Variants in OR7E24 observed in about 807,000 individuals in gnomAD.
OR7E24 encodes olfactory receptor family 7 subfamily E member 24.
For synonymous variants in OR7E24, 130 were observed against 157.5 expected, an observed-to-expected ratio of 0.83 and a Z score of 1.31; for missense variants, 385 against 410.3, an observed-to-expected ratio of 0.94 and a Z score of 0.53.
At chr19:9,224,347 C>A in the OR7E24 span, among the ~76,000 whole-genome samples, 1 of 152,180 alleles carries the variant, frequency 6.6e-6, no homozygotes, top group African/African-American at 2.4e-5. Context: ...CATCCCATAT[C>A]TACAGGACTT....
At chr19:9,239,258 C>G in the OR7E24 span, among the ~76,000 whole-genome samples, 1 of 152,096 alleles carries the variant, frequency 6.6e-6, no homozygotes, top group East Asian at 1.9e-4. Flanking sequence ...CAAGCTCCCC[C>G]TCCTTGGTTC....
the OR7E24 span, chr19:9,235,421 C>T: frequency 1.2e-6 from 2 of 1,605,056 alleles, no homozygotes; most frequent in Non-Finnish European, 1.7e-6. Context: ...AAAGACATCT[C>T]CTACATGGGG....
the OR7E24 span, among the ~76,000 whole-genome samples, chr19:9,233,959 A>T: frequency 2.0e-5 from 3 of 147,692 alleles, no homozygotes; most frequent in South Asian, 6.4e-4. Flanking sequence ...GCTGGAGTGC[A>T]GTGGCACGAT....
the OR7E24 span, among the ~76,000 whole-genome samples, chr19:9,230,366 G>A: frequency 1.3e-5 from 2 of 152,074 alleles, no homozygotes; most frequent in Non-Finnish European, 2.9e-5. Context: ...GTATTTTAAA[G>A]GTACTTTAGT....
chr19:9,233,757 A>G, the OR7E24 span, among the ~76,000 whole-genome samples: 1 of 152,198 alleles, frequency 6.6e-6, no homozygotes, highest in Non-Finnish European at 1.5e-5. Context: ...CACATTTATG[A>G]TATGGCCGTT....
the OR7E24 span, chr19:9,236,135 G>C: frequency 1.3e-5 from 12 of 890,886 alleles, no homozygotes; most frequent in East Asian, 2.9e-4. Flanking sequence ...AAGCAAATGT[G>C]AATGCGCATA....
chr19:9,228,639 A>G, the OR7E24 span, among the ~76,000 whole-genome samples: 2 of 152,226 alleles, frequency 1.3e-5, no homozygotes, highest in South Asian at 4.1e-4. Flanking sequence ...AGAAAATGTC[A>G]AAAACTATTG....
chr19:9,227,872 G>A, the OR7E24 span, among the ~76,000 whole-genome samples: 1,970 of 147,332 alleles, frequency 0.013, 51 homozygotes, highest in African/African-American at 0.045. Context: ...TCCTGCCTCA[G>A]CCTCCCAAGT....
At chr19:9,247,923 A>G (rs930667474), upstream of OR7E24, among the ~76,000 whole-genome samples, 7 of 152,138 alleles carry the variant, frequency 4.6e-5, no homozygotes, top group Non-Finnish European at 1.0e-4. Flanking sequence ...AGAAATGATT[A>G]TTGAAGTCCT....
At chr19:9,225,379 G>C in the OR7E24 span, among the ~76,000 whole-genome samples, 2 of 139,366 alleles carry the variant, frequency 1.4e-5, no homozygotes, top group South Asian at 5.3e-4. Context: ...AGGAAAGAAG[G>C]AAGGAAGGAA....
the OR7E24 span, among the ~76,000 whole-genome samples, chr19:9,216,330 C>G: frequency 6.6e-6 from 1 of 152,260 alleles, no homozygotes; most frequent in Non-Finnish European, 1.5e-5. Context: ...CACTGAAATT[C>G]CACATTTCTT....
At chr19:9,238,026 C>A in the OR7E24 span, among the ~76,000 whole-genome samples, 1 of 152,244 alleles carries the variant, frequency 6.6e-6, no homozygotes, top group East Asian at 1.9e-4. Context: ...CCTGTAATCC[C>A]AGCACTTTGG....
the OR7E24 span, among the ~76,000 whole-genome samples, chr19:9,239,379 A>G: frequency 2.0e-4 from 30 of 152,204 alleles, no homozygotes; most frequent in Non-Finnish European, 3.5e-4. Flanking sequence ...TCACCGTGTT[A>G]GCCAGGATGG....
the OR7E24 span, chr19:9,210,066 A>G: frequency 6.6e-6 from 1 of 152,092 alleles, no homozygotes; most frequent in Non-Finnish European, 1.5e-5. Flanking sequence ...TTTTGCTACT[A>G]CCCAAACATT....
chr19:9,231,218 C>T, the OR7E24 span, among the ~76,000 whole-genome samples: 5 of 152,226 alleles, frequency 3.3e-5, no homozygotes, highest in East Asian at 9.7e-4. Context: ...CCACCACTCC[C>T]GGCCTGAGAA....
the OR7E24 span, among the ~76,000 whole-genome samples, chr19:9,216,471 A>T: frequency 6.6e-6 from 1 of 152,204 alleles, no homozygotes; most frequent in African/African-American, 2.4e-5. Context: ...CCATAGTAGG[A>T]GTAGTAAATA....
At chr19:9,226,391 G>A in the OR7E24 span, among the ~76,000 whole-genome samples, 220 of 152,330 alleles carry the variant, frequency 1.4e-3, no homozygotes, top group African/African-American at 5.2e-3. Flanking sequence ...TGGCTGGAAC[G>A]GGACCGCACA....
chr19:9,238,542 C>G, the OR7E24 span, among the ~76,000 whole-genome samples: 1 of 152,180 alleles, frequency 6.6e-6, no homozygotes, highest in South Asian at 2.1e-4. Context: ...ATTCCCCACC[C>G]ATTTGTATGT....
At chr19:9,234,327 C>A in the OR7E24 span, among the ~76,000 whole-genome samples, 1,534 of 152,134 alleles carry the variant, frequency 0.01, 25 homozygotes, top group African/African-American at 0.035. Context: ...GTGATATATC[C>A]AAAATAACTA....
Sources: allele counts gnomAD v4.1 joint callset (sites outside exome capture counted in the v4.1 genomes callset), GRCh38; gene constraint gnomAD v4.1.1; transcripts MANE v1.5; gene names NCBI Gene and HGNC (gene_info 2026-07-23, HGNC 2026-07-21).